MB21D2: variants seen among roughly 807,000 people sequenced by gnomAD.
MB21D2 encodes the protein Mab-21 domain containing 2.
In MB21D2, 9 loss-of-function variants were observed where a neutral mutation model predicts 33.3. The observed-to-expected ratio is 0.27, with a 90% confidence interval of 0.16 to 0.47. The LOEUF (loss-of-function observed/expected upper bound fraction) is 0.47. Ranked by LOEUF, MB21D2 falls within the 20% of genes least tolerant of loss-of-function variation. The pLI is 0.99. For synonymous variants in MB21D2, 241 were observed against 236.3 expected (o/e 1.02, Z -0.18); for missense variants, 540 against 624.6 (o/e 0.86, Z 1.44).
chr3:192,909,320 A>T (rs1714288897), intron 1 of MB21D2, among the ~76,000 whole-genome samples: 1 of 152,108 alleles, frequency 6.6e-6, no homozygotes, highest in Admixed American at 6.5e-5. Flanking sequence ...TTTGTGATAG[A>T]GTACCCTATG....
rs539011089 is a variant in MB21D2, at chr3:192,878,430, T to C, written c.211+39200A>G. 1.2e-4 allele frequency among the ~76,000 whole-genome samples: 19 copies of C among 152,342 alleles called. No homozygotes were observed. The South Asian group carries it at 1.7e-3, about 13-fold the overall frequency. On this transcript the variant is annotated intron_variant, in intron 1 of 1. Coordinates refer to ENST00000392452, the MANE Select transcript of MB21D2 (RefSeq NM_178496.4). ...GAAATAAAAAGCTTAGCAATTTCTA[T>C]GGTATTAGGTTTTTGCCTATTACTT...
At chr3:192,856,666 A>G (rs1179111825) in intron 1 of MB21D2, among the ~76,000 whole-genome samples, 1 of 151,838 alleles carries the variant, frequency 6.6e-6, no homozygotes, top group African/African-American at 2.4e-5. Context: ...CGATCCCCCT[A>G]CCTCAGCCTC....
At chr3:192,852,326 G>A (rs747430325) in intron 1 of MB21D2, among the ~76,000 whole-genome samples, 7 of 152,222 alleles carry the variant, frequency 4.6e-5, no homozygotes, top group Non-Finnish European at 5.9e-5. Flanking sequence ...GTTGTGAGGC[G>A]AAAGAAAGCC....
At chr3:192,878,247 G>A (rs912019985) in intron 1 of MB21D2, among the ~76,000 whole-genome samples, 14 of 152,098 alleles carry the variant, frequency 9.2e-5, no homozygotes, top group East Asian at 3.9e-4. Flanking sequence ...AGGAGAGAGC[G>A]ACAAAATGAC....
At chr3:192,907,209 T>C (rs1044115776) in intron 1 of MB21D2, among the ~76,000 whole-genome samples, 5 of 152,202 alleles carry the variant, frequency 3.3e-5, no homozygotes, top group African/African-American at 1.2e-4. Context: ...CCCAGGTCTA[T>C]TGTAAACACT....
intron 1 of MB21D2, among the ~76,000 whole-genome samples, chr3:192,890,803 C>T (rs766744931): frequency 1.3e-5 from 2 of 152,018 alleles, no homozygotes; most frequent in Non-Finnish European, 2.9e-5. Context: ...TCCTCCATGG[C>T]AGGCGGTTAT....
At chr3:192,820,369 A>G (rs1433936134) in intron 1 of MB21D2, among the ~76,000 whole-genome samples, 1 of 152,208 alleles carries the variant, frequency 6.6e-6, no homozygotes, top group East Asian at 1.9e-4. Context: ...AACTTCGGAT[A>G]ATACAAAATG....
chr3:192,814,556 T>C (rs1423638617), intron 1 of MB21D2, among the ~76,000 whole-genome samples: 1 of 152,110 alleles, frequency 6.6e-6, no homozygotes, highest in African/African-American at 2.4e-5. Context: ...TTTAAATCCA[T>C]GCCTGCTCAA....
At chr3:192,863,655 C>G in intron 1 of MB21D2, among the ~76,000 whole-genome samples, 1 of 152,294 alleles carries the variant, frequency 6.6e-6, no homozygotes, top group Middle Eastern at 3.4e-3. Context: ...TGTGTCCCCC[C>G]AAAATTCACA....
rs1712022045 is a variant in MB21D2, at chr3:192,820,493, C to A, written c.212-20843G>T. On this transcript the variant is annotated intron_variant, in intron 1 of 1. Coordinates refer to ENST00000392452, the MANE Select transcript of MB21D2 (RefSeq NM_178496.4). ...ATGATTAGAAAGAAAATAACAGGCA[C>A]TGGATTTACAGCCAGTCTCTGGGCA... Among the ~76,000 whole-genome samples the A allele has an allele frequency of 1.3e-5, 2 of 152,212 alleles. 1 individual carries two copies. The highest frequency in any genetic ancestry group is 4.1e-4 in the South Asian group (2 of 4,832).
intron 1 of MB21D2, among the ~76,000 whole-genome samples, chr3:192,859,970 T>C (rs1046920003): frequency 2.6e-5 from 4 of 152,202 alleles, no homozygotes; most frequent in African/African-American, 4.8e-5. Context: ...GCAGAAAGGA[T>C]GCAGAATGAA....
At chr3:192,917,431 T>C (rs1420641855) in intron 1 of MB21D2, among the ~76,000 whole-genome samples, 199 bp downstream of exon 1, 1 of 151,812 alleles carries the variant, frequency 6.6e-6, no homozygotes, top group East Asian at 1.9e-4. Context: ...GCGTAAAGTA[T>C]AGTAAGGAGG....
rs149867766 is a variant in MB21D2 at position 192,798,050 on chromosome 3, A to G, written c.*336T>C. 1 of 212,274 alleles carries G rather than the reference A, an allele frequency of 4.7e-6. No individual in the cohort carries two copies. Among genetic ancestry groups the G allele is most frequent in the Non-Finnish European group, 9.5e-6 (1 of 105,356 alleles). 13.1% of individuals were successfully genotyped at this position (212,274 alleles called of 1,614,324 possible). A position where few individuals can be genotyped will look rare whatever the true frequency, so the allele number is the denominator to read the frequency against. On this transcript the variant is annotated 3_prime_UTR_variant, in exon 2 of 2. Transcript: ENST00000392452. This position sits in a 1 kb window ranked among gnomAD's most constrained non-coding sequence, Gnocchi z 4.8. ...AGAGATTTGTTTCCCCATACCCATG[A>G]ACAAATTTGCACCAAGTATGAAACA...
At chr3:192,883,944 C>T (rs927820559) in intron 1 of MB21D2, among the ~76,000 whole-genome samples, 6 of 152,024 alleles carry the variant, frequency 3.9e-5, no homozygotes, top group Non-Finnish European at 4.4e-5. Flanking sequence ...AGGCAACCAT[C>T]AAATCTAGAT....
rs771561001 is a variant in MB21D2, at chr3:192,798,903, A to C, written c.959T>G (p.Leu320Arg). The C allele has an allele frequency of 4.3e-6, 7 of 1,613,700 alleles. No individual in the cohort carries two copies. The Admixed American group carries it at 5.0e-5, about 12-fold the overall frequency. The change falls in exon 2 of 2, where the codon CTG becomes CGG. Residue 320 changes from leucine (L) to arginine (R), a missense_variant. Leu to Arg is a moderately radical substitution (Grantham distance 102). Coordinates refer to ENST00000392452, the MANE Select transcript of MB21D2 (RefSeq NM_178496.4). This position sits in a 1 kb window ranked among gnomAD's most constrained non-coding sequence, Gnocchi z 4.8. ...YQACKAIIIK[L>R]LSRPKAISPY... is the part of the protein sequence containing the mutation. ...GCTAATAGCCTTGGGCCGGGACAGCAGTTTAATGATGATGGCTTTGCAGGC... is the reference window on the plus strand; with the variant it reads ...GCTAATAGCCTTGGGCCGGGACAGCCGTTTAATGATGATGGCTTTGCAGGC...
At chr3:192,869,264 A>T (rs112324067) in intron 1 of MB21D2, among the ~76,000 whole-genome samples, 7,216 of 136,872 alleles carry the variant, frequency 0.053, 454 homozygotes, top group East Asian at 0.16. Flanking sequence ...TCAAAAAAAA[A>T]GAAAGGAAGG....
At chr3:192,895,875 G>A (rs1713961408) in intron 1 of MB21D2, among the ~76,000 whole-genome samples, 1 of 152,140 alleles carries the variant, frequency 6.6e-6, no homozygotes, top group Non-Finnish European at 1.5e-5. Context: ...TGGGACTACA[G>A]ATGTGTGCCA....
chr3:192,859,521 G>A (rs1553859055), intron 1 of MB21D2, among the ~76,000 whole-genome samples: 1 of 151,980 alleles, frequency 6.6e-6, no homozygotes, highest in Non-Finnish European at 1.5e-5. Flanking sequence ...CCCCATCCCT[G>A]CCCTACCATC....
intron 1 of MB21D2, among the ~76,000 whole-genome samples, chr3:192,849,266 G>T (rs1294940536): frequency 2.2e-5 from 3 of 135,146 alleles, no homozygotes; most frequent in Non-Finnish European, 3.0e-5. Context: ...AAGCTCTCAT[G>T]GCTAATTCGT....
Sources: gnomAD v4.1 joint callset for allele counts (sites outside exome capture counted in the v4.1 genomes callset) on GRCh38, gnomAD v4.1.1 for gene constraint, Gnocchi (gnomAD v3.1) non-coding constraint, MANE v1.5 for transcripts, NCBI Gene and HGNC (gene_info 2026-07-23, HGNC 2026-07-21) for gene names.